DYNC2H1: variants seen among roughly 807,000 people sequenced by gnomAD.
DYNC2H1 encodes cytoplasmic dynein 2 heavy chain 1.
A neutral mutation model predicts 570.0 loss-of-function variants in DYNC2H1; 410 were observed. The observed-to-expected ratio is 0.72, with a 90% CI of 0.66 to 0.78. DYNC2H1 has a LOEUF of 0.78. Ranked by LOEUF, DYNC2H1 falls within the 30% of genes least tolerant of loss-of-function variation. The probability of loss-of-function intolerance (pLI) is 0.00; values close to 1 mark genes in which losing one functional copy is unlikely to be tolerated. For missense variants in DYNC2H1, 4,865 were observed against 5,046.4 expected (o/e 0.96, Z 1.09); for synonymous variants, 1,688 against 1,677.6 (o/e 1.01, Z -0.15).
intron 12 of DYNC2H1, among the ~76,000 whole-genome samples, chr11:103,125,565 A>G (rs1231046209): frequency 6.6e-6 from 1 of 152,128 alleles, no homozygotes; most frequent in East Asian, 1.9e-4. Flanking sequence ...TGTTACTTGC[A>G]TGGGTTTTAA....
chr11:103,134,503 T>A, intron 15 of DYNC2H1, 84 bp downstream of exon 15: 1 of 1,048,406 alleles, frequency 9.5e-7, no homozygotes, highest in South Asian at 2.5e-5. Flanking sequence ...GCCGAGAAGT[T>A]CATAAAAGTT....
chr11:103,249,493 A>T lies in DYNC2H1; in HGVS notation c.10043-3792A>T, dbSNP rs1300076704. 1.3e-5 allele frequency among the ~76,000 whole-genome samples: 2 copies of T among 152,056 alleles called. No homozygotes were observed. Among genetic ancestry groups the T allele is most frequent in the Admixed American group, 1.3e-4 (2 of 15,242 alleles). On this transcript the variant is annotated intron_variant, in intron 65 of 88. Coordinates refer to ENST00000375735, the MANE Select transcript of DYNC2H1 (RefSeq NM_001377.3). This position sits in a 1 kb window ranked among gnomAD's most constrained non-coding sequence, Gnocchi z 4.6. ...AGCTTTATTAGCACTCCAGAAGCCC[A>T]CTTACTTACTACACCTCTTCTCCAC...
intron 83 of DYNC2H1, among the ~76,000 whole-genome samples, chr11:103,374,164 C>CA (rs1374398210): frequency 6.6e-6 from 1 of 152,132 alleles, no homozygotes; most frequent in Non-Finnish European, 1.5e-5. Flanking sequence ...ACCATGTCCC[C>CA]ACACAAATCT....
intron 70 of DYNC2H1, among the ~76,000 whole-genome samples, chr11:103,270,076 C>T (rs750991852): frequency 6.6e-6 from 1 of 151,706 alleles, no homozygotes; most frequent in Non-Finnish European, 1.5e-5. Flanking sequence ...GCCTGTAATC[C>T]CACCTACTCT....
intron 73 of DYNC2H1, 70 bp from the exon 74 acceptor site, chr11:103,286,185 T>G (rs1231192068): frequency 6.4e-7 from 1 of 1,566,890 alleles, no homozygotes; most frequent in African/African-American, 1.4e-5. Context: ...ACTTTTAGTT[T>G]TTTTAAAAAT....
intron 53 of DYNC2H1, among the ~76,000 whole-genome samples, chr11:103,211,511 G>T (rs1043152024): frequency 6.6e-6 from 1 of 151,960 alleles, no homozygotes; most frequent in Non-Finnish European, 1.5e-5. Context: ...ACAACATGTA[G>T]ATTTATTTTT....
At chr11:103,291,296 G>T (rs888340905) in intron 75 of DYNC2H1, among the ~76,000 whole-genome samples, 1 of 151,998 alleles carries the variant, frequency 6.6e-6, no homozygotes, top group Non-Finnish European at 1.5e-5. Flanking sequence ...AAATTATCTG[G>T]GTGTGGTGGC....
intron 78 of DYNC2H1, 124 bp downstream of exon 78, chr11:103,307,955 T>C: frequency 2.2e-6 from 1 of 452,520 alleles, no homozygotes; most frequent in South Asian, 6.9e-5. Flanking sequence ...AGATGAGGTA[T>C]ACATAGATAA....
intron 84 of DYNC2H1, among the ~76,000 whole-genome samples, chr11:103,408,829 TAA>T (rs1014257607): frequency 1.3e-5 from 2 of 152,070 alleles, no homozygotes; most frequent in Admixed American, 1.3e-4. Flanking sequence ...GTTCGGAGGT[TAA>T]ATTATGCTCC....
rs1164535498 is a variant in DYNC2H1, at chr11:103,205,454, A to G, written c.8454+490A>G. Among the ~76,000 whole-genome samples the G allele has an allele frequency of 6.6e-6, 1 of 152,112 alleles. No homozygotes were observed. The highest frequency in any genetic ancestry group is 2.4e-5 in the African/African-American group (1 of 41,424). ...AATGATATTCATATTCTCAATCACTAATTTCTTTATTTTTCTATAAGAGAA... is the reference window on the plus strand; with the variant it reads ...AATGATATTCATATTCTCAATCACTGATTTCTTTATTTTTCTATAAGAGAA... On this transcript the variant is annotated intron_variant, in intron 52 of 88. Coordinates refer to ENST00000375735, the MANE Select transcript of DYNC2H1 (RefSeq NM_001377.3). This position sits in a 1 kb window ranked among gnomAD's most constrained non-coding sequence, Gnocchi z 4.5.
At chr11:103,182,008 T>A in intron 40 of DYNC2H1, 122 bp downstream of exon 40, 1 of 984,022 alleles carries the variant, frequency 1.0e-6, no homozygotes, top group Non-Finnish European at 1.5e-6. Context: ...AGAGGTGGAT[T>A]TTGTCACTGC....
chr11:103,474,093 C>A, intron 88 of DYNC2H1: 1 of 240,922 alleles, frequency 4.2e-6, no homozygotes. Flanking sequence ...TCTTCAAGGA[C>A]TTATTATGAA....
At chr11:103,387,557 T>C (rs1370632762) in intron 83 of DYNC2H1, among the ~76,000 whole-genome samples, 2 of 152,214 alleles carry the variant, frequency 1.3e-5, no homozygotes, top group Admixed American at 1.3e-4. Flanking sequence ...TTTGGTGTTT[T>C]AGACATGCAG....
intron 17 of DYNC2H1, among the ~76,000 whole-genome samples, chr11:103,142,855 G>A (rs1363299822): frequency 6.6e-6 from 1 of 152,114 alleles, no homozygotes; most frequent in Non-Finnish European, 1.5e-5. Flanking sequence ...TATTGATGCT[G>A]AGACATATGA....
At chr11:103,376,208 A>G (rs992458960) in intron 83 of DYNC2H1, among the ~76,000 whole-genome samples, 1 of 152,226 alleles carries the variant, frequency 6.6e-6, no homozygotes, top group Non-Finnish European at 1.5e-5. Context: ...AGCCAGGCAG[A>G]GATGTGAGTC....
rs2671326 is a variant in DYNC2H1 at position 103,369,910 on chromosome 11, A to C, written c.12156+11551A>C. Among the ~76,000 whole-genome samples, 73,860 of 152,050 alleles carry C rather than the reference A, an allele frequency of 0.49. 19,631 individuals are homozygous for C. Among genetic ancestry groups the C allele is most frequent in the Admixed American group, 0.59 (9,088 of 15,290 alleles). On this transcript the variant is annotated intron_variant, in intron 83 of 88. Coordinates refer to ENST00000375735, the MANE Select transcript of DYNC2H1 (RefSeq NM_001377.3). The surrounding 1 kb of genome is among the most constrained non-coding windows in gnomAD (Gnocchi z 4.0). Reference sequence around the variant, plus strand: ...ATTCCCAGCTGTGGTGGTTGTGGAGAAAGACTCCTTCCACTTGAGAAAAGC... The same window carrying C: ...ATTCCCAGCTGTGGTGGTTGTGGAGCAAGACTCCTTCCACTTGAGAAAAGC...
chr11:103,254,494 A>T lies in DYNC2H1; in HGVS notation c.10207-921A>T, dbSNP rs566157876. Reference sequence around the variant, plus strand: ...CTTTAACAAATACAATGTACATACCATACAACTTGCTGATTTAAAATGTAT... The same window carrying T: ...CTTTAACAAATACAATGTACATACCTTACAACTTGCTGATTTAAAATGTAT... On this transcript the variant is annotated intron_variant, in intron 66 of 88. Coordinates refer to ENST00000375735, the MANE Select transcript of DYNC2H1 (RefSeq NM_001377.3). This position sits in a 1 kb window ranked among gnomAD's most constrained non-coding sequence, Gnocchi z 4.9. Among the ~76,000 whole-genome samples the T allele has an allele frequency of 6.6e-6, 1 of 152,244 alleles. No individual in the cohort carries two copies. The highest frequency in any genetic ancestry group is 1.5e-5 in the Non-Finnish European group (1 of 68,030).
At chr11:103,390,497 A>C (rs1413898464) in intron 83 of DYNC2H1, among the ~76,000 whole-genome samples, 2 of 152,022 alleles carry the variant, frequency 1.3e-5, no homozygotes, top group East Asian at 3.9e-4. Context: ...GCCCATTTAC[A>C]TTTAAGGTTA....
chr11:103,135,876 T>A lies in DYNC2H1; in HGVS notation c.2502T>A (p.Ser834Arg). The A allele has an allele frequency of 6.2e-7, 1 of 1,612,888 alleles. No individual in the cohort carries two copies. The highest frequency in any genetic ancestry group is 1.1e-5 in the South Asian group (1 of 90,830). ...CTATTATGATTGATAGAAATGCAAG[T>A]GGATTTTTGACGATTTTCAGCAAAG... is the stretch of plus-strand genomic sequence containing the variant. ...IFSIMIDRNASGFLTIFSKAE... is the reference protein window; with the variant it reads ...IFSIMIDRNARGFLTIFSKAE... Residue 834 changes from serine (S) to arginine (R), a missense_variant, in exon 17 of 89, where the codon AGT (serine) becomes AGA (arginine). Coordinates refer to ENST00000375735, the MANE Select transcript of DYNC2H1 (RefSeq NM_001377.3).
Sources: gnomAD v4.1 joint callset for allele counts (sites outside exome capture counted in the v4.1 genomes callset) on GRCh38, gnomAD v4.1.1 for gene constraint, Gnocchi (gnomAD v3.1) non-coding constraint, MANE v1.5 for transcripts, NCBI Gene and HGNC (gene_info 2026-07-23, HGNC 2026-07-21) for gene names.